HS3ST4: variants seen among roughly 807,000 people sequenced by gnomAD.
HS3ST4 encodes heparan sulfate-glucosamine 3-sulfotransferase 4.
Under a neutral mutation model 29.2 loss-of-function variants are expected in HS3ST4, and 17 were observed. The ratio of observed to expected loss-of-function variants is 0.58; its 90% CI spans 0.40 to 0.87. The LOEUF is 0.87. Ranked by LOEUF, HS3ST4 falls within the 40% of genes least tolerant of loss-of-function variation. HS3ST4 has a pLI of 0.00. For synonymous variants in HS3ST4, 314 were observed against 285.7 expected (o/e 1.10, Z -1.00); for missense variants, 627 against 634.5 (o/e 0.99, Z 0.13).
chr16:26,033,810 C>T (rs1259488487), intron 1 of HS3ST4, among the ~76,000 whole-genome samples: 3 of 152,092 alleles, frequency 2.0e-5, no homozygotes, highest in East Asian at 1.9e-4. Context: ...CTTCATGCTG[C>T]GTTGCTTGCA....
At chr16:25,935,201 C>A (rs1476286702) in intron 1 of HS3ST4, among the ~76,000 whole-genome samples, 2 of 152,114 alleles carry the variant, frequency 1.3e-5, no homozygotes. Flanking sequence ...TGAAAAATTA[C>A]CCAGTCTCAG....
At chr16:25,854,556 C>T (rs1967556075) in intron 1 of HS3ST4, among the ~76,000 whole-genome samples, 1 of 152,106 alleles carries the variant, frequency 6.6e-6, no homozygotes, top group East Asian at 1.9e-4. Context: ...GAATGCCTAA[C>T]CTCCTGGGAA....
At chr16:26,032,855 G>A in intron 1 of HS3ST4, 1 of 1,558,982 alleles carries the variant, frequency 6.4e-7, no homozygotes, top group Non-Finnish European at 8.7e-7. Flanking sequence ...CTGGACGCGG[G>A]ATGCAGTGGC....
intron 1 of HS3ST4, among the ~76,000 whole-genome samples, chr16:25,712,324 C>G (rs1281049124): frequency 6.6e-6 from 1 of 152,070 alleles, no homozygotes; most frequent in African/African-American, 2.4e-5. Context: ...GGGTTTGAGA[C>G]CAGCTTGGGC....
chr16:25,889,852 G>A (rs1967990536), intron 1 of HS3ST4, among the ~76,000 whole-genome samples: 1 of 152,060 alleles, frequency 6.6e-6, no homozygotes. Context: ...TTCTCTGATA[G>A]TGAGTAAGTC....
chr16:25,823,848 G>A lies in HS3ST4; in HGVS notation c.734+130697G>A, dbSNP rs563014482. On this transcript the variant is annotated intron_variant, in intron 1 of 1. Coordinates refer to ENST00000331351, the MANE Select transcript of HS3ST4 (RefSeq NM_006040.3). ...CAAAGTCATGAGATTACAGGCTTAA[G>A]CCACTGCGCCTGGCCTAAGGCCACT... Among the ~76,000 whole-genome samples the A allele has an allele frequency of 2.5e-3, 383 of 152,226 alleles. 3 individuals carry two copies. The highest frequency in any genetic ancestry group is 2.7e-3 in the Non-Finnish European group (184 of 68,036).
intron 1 of HS3ST4, among the ~76,000 whole-genome samples, chr16:25,711,079 TC>T (rs1465422934): frequency 6.6e-6 from 1 of 152,122 alleles, no homozygotes; most frequent in Non-Finnish European, 1.5e-5. Flanking sequence ...TGCCTCAGTC[TC>T]CCAAAGGGGC....
At chr16:25,736,051 A>G (rs1966607092) in intron 1 of HS3ST4, among the ~76,000 whole-genome samples, 1 of 152,234 alleles carries the variant, frequency 6.6e-6, no homozygotes, top group African/African-American at 2.4e-5. Flanking sequence ...CTAACTTTGC[A>G]ATACTTCTCA....
chr16:25,932,951 C>A (rs967733473), intron 1 of HS3ST4, among the ~76,000 whole-genome samples: 1 of 152,174 alleles, frequency 6.6e-6, no homozygotes, highest in Non-Finnish European at 1.5e-5. Context: ...AGATCATTTT[C>A]AATTCCTCCC....
chr16:25,833,394 G>A (rs371670452), intron 1 of HS3ST4, among the ~76,000 whole-genome samples: 6 of 152,252 alleles, frequency 3.9e-5, no homozygotes, highest in African/African-American at 1.4e-4. Flanking sequence ...CTGGGATTAT[G>A]TTATTGAACG....
chr16:26,101,490 T>G (rs903606827), intron 1 of HS3ST4, among the ~76,000 whole-genome samples: 2 of 152,214 alleles, frequency 1.3e-5, no homozygotes, highest in African/African-American at 4.8e-5. Context: ...CATCCCAGTG[T>G]CCGGGATGTG....
chr16:25,783,789 G>A (rs1026528723), intron 1 of HS3ST4, among the ~76,000 whole-genome samples: 2 of 152,170 alleles, frequency 1.3e-5, no homozygotes, highest in African/African-American at 4.8e-5. Context: ...AGAACTCTTG[G>A]AGATTTTAGA....
At chr16:26,012,926 A>G (rs1969324102) in intron 1 of HS3ST4, among the ~76,000 whole-genome samples, 1 of 152,164 alleles carries the variant, frequency 6.6e-6, no homozygotes, top group Non-Finnish European at 1.5e-5. Context: ...GCACTTTGGG[A>G]GGCCGAGGCG....
chr16:26,121,216 G>T (rs951628016), intron 1 of HS3ST4, among the ~76,000 whole-genome samples: 13 of 152,198 alleles, frequency 8.5e-5, no homozygotes, highest in Admixed American at 8.5e-4. Context: ...AGCTGTGGCA[G>T]CTCGAGGGAT....
chr16:25,768,593 T>C (rs1966836019), intron 1 of HS3ST4, among the ~76,000 whole-genome samples: 1 of 152,168 alleles, frequency 6.6e-6, no homozygotes, highest in African/African-American at 2.4e-5. Flanking sequence ...CTGCCGGTCT[T>C]GTGAGTGAGC....
chr16:25,751,045 A>C (rs1338561777), intron 1 of HS3ST4, among the ~76,000 whole-genome samples: 2 of 152,192 alleles, frequency 1.3e-5, no homozygotes, highest in East Asian at 3.9e-4. Context: ...GGAGCCAAGA[A>C]GCTGCCACTT....
At chr16:25,967,303 G>A in intron 1 of HS3ST4, among the ~76,000 whole-genome samples, 1 of 152,024 alleles carries the variant, frequency 6.6e-6, no homozygotes. Context: ...ACAGGTTCGA[G>A]CCACCACACC....
At chr16:25,975,503 T>G (rs1375665216) in intron 1 of HS3ST4, among the ~76,000 whole-genome samples, 1 of 152,146 alleles carries the variant, frequency 6.6e-6, no homozygotes, top group Non-Finnish European at 1.5e-5. Flanking sequence ...CACTTTCATG[T>G]CATTCTGTAA....
At chr16:25,717,896 A>G (rs1966467570) in intron 1 of HS3ST4, among the ~76,000 whole-genome samples, 2 of 152,200 alleles carry the variant, frequency 1.3e-5, no homozygotes, top group Admixed American at 1.3e-4. Context: ...TAGTCCAGGA[A>G]AAACATTTCT....
Sources: gnomAD v4.1 joint callset for allele counts (sites outside exome capture counted in the v4.1 genomes callset) on GRCh38, gnomAD v4.1.1 for gene constraint, MANE v1.5 for transcripts, NCBI Gene and HGNC (gene_info 2026-07-23, HGNC 2026-07-21) for gene names.